COL5A3: variants seen among roughly 807,000 people sequenced by gnomAD.
COL5A3 encodes collagen alpha-3(V) chain.
A neutral mutation model predicts 250.0 loss-of-function variants in COL5A3; 172 were observed. The ratio of observed to expected loss-of-function variants is 0.69; its 90% confidence interval spans 0.61 to 0.78. COL5A3 has a LOEUF of 0.78. Ranked by LOEUF, COL5A3 falls within the 30% of genes least tolerant of loss-of-function variation. The pLI is 0.00. For synonymous variants in COL5A3, 937 were observed against 900.4 expected (o/e 1.04, Z -0.73); for missense variants, 2,340 against 2,334.4 (o/e 1.00, Z -0.05).
intron 37 of COL5A3, 26 bp from the exon 38 acceptor site, chr19:9,979,443 G>T: frequency 6.2e-7 from 1 of 1,613,546 alleles, no homozygotes; most frequent in South Asian, 1.1e-5. Context: ...AAATGTGGGG[G>T]CGGTGTTACA....
rs1350384373 is a variant in COL5A3 at position 9,968,111 on chromosome 19, G to C, written c.4315-32C>G. 4 of 1,574,018 alleles carry C rather than the reference G, an allele frequency of 2.5e-6. No individual in the cohort carries two copies. The South Asian group carries it at 4.7e-5, about 18-fold the overall frequency. ...AAAGGACATCGGGTCAGTATTGGTG[G>C]GGTACACCCTATTGCCCTGACACAT... On this transcript the variant is annotated intron_variant, in intron 59 of 66. Coordinates refer to ENST00000264828, the MANE Select transcript of COL5A3 (RefSeq NM_015719.4). This position sits in a 1 kb window ranked among gnomAD's most constrained non-coding sequence, Gnocchi z 4.1.
intron 31 of COL5A3, 135 bp from the exon 32 acceptor site, chr19:9,982,253 C>T (rs2087022061): frequency 5.0e-6 from 3 of 604,620 alleles, no homozygotes; most frequent in Non-Finnish European, 8.8e-6. Flanking sequence ...CAGCCCCAGC[C>T]TCCTACAAGG....
At chr19:9,997,341 G>C (rs1485252999) in intron 11 of COL5A3, 30 bp downstream of exon 11, 2 of 1,561,414 alleles carry the variant, frequency 1.3e-6, no homozygotes, top group African/African-American at 2.7e-5. Context: ...ACTCCTCTGA[G>C]AAGTGTACAC....
In COL5A3 at chr19:9,997,937, C is replaced by T. The variant is rs2087295616; in HGVS notation, c.1200+47G>A. The stretch of plus-strand genomic sequence containing the variant: ...TCACTCCAGGGGATTAAACACCCCT[C>T]AGCTGGAAGGGAAAGACTGGAAGAA... On this transcript the variant is annotated intron_variant, in intron 10 of 66. Coordinates refer to ENST00000264828, the MANE Select transcript of COL5A3 (RefSeq NM_015719.4). The T allele has an allele frequency of 1.9e-6, 3 of 1,608,972 alleles. No homozygotes were observed. In the South Asian group the frequency reaches 3.3e-5, roughly 18 times the overall value.
chr19:9,995,717 GC>G, intron 15 of COL5A3, 100 bp from the exon 16 acceptor site: 1 of 892,156 alleles, frequency 1.1e-6, no homozygotes, highest in Non-Finnish European at 1.7e-6. Context: ...TTGCTGTATT[GC>G]CCAGGCCAGA....
rs756013085 is a variant in COL5A3, at chr19:9,969,399, C to T, written c.4102G>A (p.Glu1368Lys). ...CCAGGGGCTCCCAGGAGGCCTGGTT[C>T]ACCCTGAGAATGGAACAGAACATGG... ...GLRGIPGPVG[E>K]PGLLGAPGQM... Residue 1368 changes from glutamate (E) to lysine (K), a missense_variant, in exon 57 of 67, where the codon GAA (glutamate) becomes AAA (lysine). Around this residue, in one of 3 missense-constraint regions of COL5A3, gnomAD observed 1,179 missense variants for 1,162.6 expected, o/e 1.01. Coordinates refer to ENST00000264828, the MANE Select transcript of COL5A3 (RefSeq NM_015719.4). The T allele has an allele frequency of 6.2e-7, 1 of 1,607,438 alleles. No individual in the cohort carries two copies. The highest frequency in any genetic ancestry group is 1.1e-5 in the South Asian group (1 of 90,286).
chr19:9,982,306 T>G lies in COL5A3; in HGVS notation c.2407-188A>C, dbSNP rs141258204. Among the ~76,000 whole-genome samples, 795 of 152,196 alleles carry G rather than the reference T, an allele frequency of 5.2e-3. 9 individuals carry two copies. Among genetic ancestry groups the G allele is most frequent in the African/African-American group, 0.018 (752 of 41,502 alleles). On this transcript the variant is annotated intron_variant, in intron 31 of 66. Coordinates refer to ENST00000264828, the MANE Select transcript of COL5A3 (RefSeq NM_015719.4). ...CTCCCCTCCTCTCCTCCCTTCTCAT[T>G]TCACTGCAGCCCTTTGCACTGGCTG...
intron 13 of COL5A3, 79 bp from the exon 14 acceptor site, chr19:9,996,341 A>G: frequency 1.3e-6 from 2 of 1,551,512 alleles, no homozygotes; most frequent in South Asian, 2.4e-5. Flanking sequence ...TTCAGGAGAA[A>G]AATAACCCCC....
intron 6 of COL5A3, among the ~76,000 whole-genome samples, chr19:10,002,923 C>T (rs2087385828): frequency 6.6e-6 from 1 of 152,100 alleles, no homozygotes; most frequent in South Asian, 2.1e-4. Context: ...AGTGACCACC[C>T]ACCAACAACC....
At chr19:9,969,276 G>T in intron 57 of COL5A3, 73 bp downstream of exon 57, 1 of 1,319,018 alleles carries the variant, frequency 7.6e-7, no homozygotes, top group Non-Finnish European at 1.1e-6. Context: ...CTGCACCAAT[G>T]CTCACTAGGT....
chr19:9,970,656 C>G lies in COL5A3; in HGVS notation c.3902G>C (p.Gly1301Ala), dbSNP rs1174281053. 2 of 1,450,478 alleles carry G rather than the reference C, an allele frequency of 1.4e-6. No homozygotes were observed. Among genetic ancestry groups the G allele is most frequent in the Non-Finnish European group, 1.8e-6 (2 of 1,102,810 alleles). The allele number at this position is 1,450,478 out of a possible 1,614,324, so 89.9% of individuals were successfully genotyped here. Residue 1301 changes from glycine to alanine, a missense_variant, in exon 54 of 67, where the codon GGG becomes GCG. Physicochemically the swap from Gly to Ala is moderately conservative, Grantham distance 60. Around this residue, in one of 3 missense-constraint regions of COL5A3, gnomAD observed 1,179 missense variants for 1,162.6 expected, o/e 1.01. Transcript: ENST00000264828. ...GGGGGGCCCGGGGGCGCCGGGCTCC[C>G]CAGAAGCTCCAGGCGGACCCTGGAG... Reference protein sequence around the residue: ...VGGPGPPGASGEPGAPGPPGK... With the variant: ...VGGPGPPGASAEPGAPGPPGK...
At chr19:9,991,891 G>T in intron 22 of COL5A3, 50 bp from the exon 23 acceptor site, 1 of 1,591,748 alleles carries the variant, frequency 6.3e-7, no homozygotes, top group Non-Finnish European at 8.6e-7. Flanking sequence ...CATGGTGTTG[G>T]GGCGTTAGTG....
intron 56 of COL5A3, 70 bp from the exon 57 acceptor site, chr19:9,969,472 T>G (rs941753696): frequency 1.8e-5 from 28 of 1,584,408 alleles, no homozygotes; most frequent in Non-Finnish European, 2.3e-5. Context: ...CCCCCGACCA[T>G]GCACCAGGGG....
chr19:9,977,545 G>C (rs1443493670), intron 42 of COL5A3, 49 bp downstream of exon 42: 1 of 1,521,362 alleles, frequency 6.6e-7, no homozygotes, highest in African/African-American at 1.4e-5. Flanking sequence ...GGATGTGGCA[G>C]GGCCAGACCC....
At chr19:10,002,271 G>A (rs2145139255) in intron 6 of COL5A3, among the ~76,000 whole-genome samples, 1 of 151,918 alleles carries the variant, frequency 6.6e-6, no homozygotes, top group Non-Finnish European at 1.5e-5. Flanking sequence ...CTGGGTCAAG[G>A]TGGGGGTTGG....
intron 45 of COL5A3, 94 bp from the exon 46 acceptor site, chr19:9,974,502 G>A: frequency 1.1e-6 from 1 of 943,698 alleles, no homozygotes; most frequent in African/African-American, 1.7e-5. Context: ...AAGGGTTGGA[G>A]TCAGGGTTCA....
In COL5A3 at chr19:10,010,326, C is replaced by T. The variant is rs1277177942; in HGVS notation, c.60G>A (p.Ala20=). The change falls in exon 1 of 67, where the codon GCG becomes GCA. Residue 20 remains alanine, a synonymous_variant. Coordinates refer to ENST00000264828, the MANE Select transcript of COL5A3 (RefSeq NM_015719.4). ...CCTGCGTCCCCGGCAGAAGCTGCAG[C>T]GCGGCCAGGAGCAGGCAGAGACCGG... ...PRAGLCLLLA[A]LQLLPGTQAD... The T allele has an allele frequency of 3.4e-6, 5 of 1,466,810 alleles. No homozygotes were observed. The highest frequency in any genetic ancestry group is 4.0e-4 in the Middle Eastern group (2 of 5,048). 90.9% of individuals were successfully genotyped at this position (1,466,810 alleles called of 1,614,324 possible).
At chr19:10,007,718 G>A (rs2087463646) in intron 1 of COL5A3, among the ~76,000 whole-genome samples, 1 of 152,142 alleles carries the variant, frequency 6.6e-6, no homozygotes, top group Non-Finnish European at 1.5e-5. Context: ...AAGACGTTGG[G>A]GAGGCACGGG....
At chr19:9,991,538 G>C in intron 24 of COL5A3, 72 bp downstream of exon 24, 1 of 1,339,808 alleles carries the variant, frequency 7.5e-7, no homozygotes, top group Non-Finnish European at 1.0e-6. Context: ...GTCTTGGTGG[G>C]AAGATTTTCC....
Sources: allele counts gnomAD v4.1 joint callset (sites outside exome capture counted in the v4.1 genomes callset), GRCh38; gene constraint gnomAD v4.1.1; regional missense constraint gnomAD v4.1.1; non-coding constraint Gnocchi (gnomAD v3.1); transcripts MANE v1.5; gene names NCBI Gene and HGNC (gene_info 2026-07-23, HGNC 2026-07-21).